The following RBFOX1 variants were observed in gnomAD, a reference collection of about 807,000 sequenced individuals.
RBFOX1 encodes the protein RNA binding fox-1 homolog 1.
In RBFOX1, 8 loss-of-function variants were observed where a neutral mutation model predicts 57.7. That is an observed-to-expected ratio of 0.14 (90% confidence interval 0.08 to 0.25). RBFOX1 has a LOEUF of 0.25. Among genes scored for constraint, RBFOX1 ranks in the 10% least tolerant of loss-of-function variants. RBFOX1 has a pLI of 1.00. For missense variants in RBFOX1, 611 were observed against 548.5 expected, an observed-to-expected ratio of 1.11 and a Z score of -1.14; for synonymous variants, 326 against 222.4, an observed-to-expected ratio of 1.47 and a Z score of -4.15.
chr16:5,768,663 C>T (rs1054812959), intron 3 of RBFOX1, among the ~76,000 whole-genome samples: 24 of 152,138 alleles, frequency 1.6e-4, no homozygotes, highest in Non-Finnish European at 3.1e-4. Flanking sequence ...TGCATCTATT[C>T]CACTCTGCCT....
chr16:7,453,903 T>C (rs1472169779), intron 4 of RBFOX1, among the ~76,000 whole-genome samples: 3 of 151,514 alleles, frequency 2.0e-5, no homozygotes, highest in African/African-American at 7.3e-5. Context: ...AAAGAAGGAG[T>C]GGAGGAAGTG....
intron 2 of RBFOX1, among the ~76,000 whole-genome samples, chr16:6,374,441 C>T (rs149271858): frequency 2.6e-5 from 4 of 152,274 alleles, no homozygotes; most frequent in Non-Finnish European, 5.9e-5. Context: ...ATTCTTCTCA[C>T]ACTGATATTG....
intron 3 of RBFOX1, among the ~76,000 whole-genome samples, chr16:6,741,763 T>G (rs2072221054): frequency 2.6e-5 from 4 of 152,220 alleles, no homozygotes; most frequent in African/African-American, 7.2e-5. Context: ...ACTTGCAAAT[T>G]TCATATCTAA....
intron 3 of RBFOX1, among the ~76,000 whole-genome samples, chr16:6,837,856 C>A (rs755876443): frequency 6.6e-6 from 1 of 152,100 alleles, no homozygotes; most frequent in East Asian, 1.9e-4. Flanking sequence ...TGAAGACTGG[C>A]GGAAACTGAG....
At chr16:7,188,828 C>G (rs539688831) in intron 4 of RBFOX1, among the ~76,000 whole-genome samples, 1 of 152,048 alleles carries the variant, frequency 6.6e-6, no homozygotes, top group Non-Finnish European at 1.5e-5. Context: ...ATTGAGTTGG[C>G]TGTTAAAAAT....
intron 4 of RBFOX1, among the ~76,000 whole-genome samples, chr16:7,342,616 T>G (rs2096919719): frequency 6.6e-6 from 1 of 152,290 alleles, no homozygotes; most frequent in East Asian, 1.9e-4. Flanking sequence ...CCATTCTTGG[T>G]GGAGATTCCT....
intron 4 of RBFOX1, among the ~76,000 whole-genome samples, chr16:5,916,933 GGACGAGCTAGTGGGT>G (rs2058716097): frequency 6.6e-6 from 1 of 152,122 alleles, no homozygotes; most frequent in Admixed American, 6.5e-5. Context: ...GCTGTGCGCA[GGACGAGCTAGTGGGT>G]GTCTCCCCTG....
intron 2 of RBFOX1, among the ~76,000 whole-genome samples, chr16:6,375,548 A>T (rs2091061524): frequency 6.6e-6 from 1 of 152,054 alleles, no homozygotes; most frequent in South Asian, 2.1e-4. Flanking sequence ...CTTTCGGCTC[A>T]TTTGAAAATA....
At chr16:6,612,863 A>AAAAAATAAT (rs59339311) in intron 2 of RBFOX1, among the ~76,000 whole-genome samples, 1,742 of 132,160 alleles carry the variant, frequency 0.013, 42 homozygotes, top group African/African-American at 0.042. Context: ...AAAAAAAAAA[A>AAAAAATAAT]AATAATAATA....
At chr16:6,963,264 A>G (rs534328234) in intron 3 of RBFOX1, among the ~76,000 whole-genome samples, 1 of 151,882 alleles carries the variant, frequency 6.6e-6, no homozygotes, top group Admixed American at 6.6e-5. Context: ...AAGCTAGCCC[A>G]TCTTAGGGTC....
At chr16:6,533,541 C>G (rs887570782) in intron 2 of RBFOX1, among the ~76,000 whole-genome samples, 1 of 152,104 alleles carries the variant, frequency 6.6e-6, no homozygotes, top group Non-Finnish European at 1.5e-5. Context: ...TTTTACCTAG[C>G]CCCTTAAGAC....
intron 3 of RBFOX1, among the ~76,000 whole-genome samples, chr16:5,641,695 C>T (rs56918492): frequency 0.012 from 1,794 of 152,198 alleles, 33 homozygotes; most frequent in African/African-American, 0.039. Context: ...GGCCTGGAGG[C>T]GGGGGCATGT....
At chr16:6,733,645 C>G (rs8051132) in intron 3 of RBFOX1, among the ~76,000 whole-genome samples, 137,795 of 152,132 alleles carry the variant, frequency 0.91, 64,038 homozygotes, top group East Asian at 1. Flanking sequence ...GTAGTCCCAG[C>G]TACTCAGGAG....
intron 5 of RBFOX1, among the ~76,000 whole-genome samples, chr16:7,561,944 T>C (rs1246174870): frequency 7.2e-5 from 11 of 152,044 alleles, no homozygotes; most frequent in African/African-American, 2.4e-4. Flanking sequence ...TTGTGTTAAA[T>C]TGATGTATAG....
At chr16:5,890,542 G>T (rs1481948916) in intron 4 of RBFOX1, among the ~76,000 whole-genome samples, 1 of 151,812 alleles carries the variant, frequency 6.6e-6, no homozygotes, top group Non-Finnish European at 1.5e-5. Context: ...ACTGAAAATA[G>T]AAAAATTAGC....
At chr16:5,526,048 A>G (rs2044231751) in intron 2 of RBFOX1, among the ~76,000 whole-genome samples, 1 of 151,854 alleles carries the variant, frequency 6.6e-6, no homozygotes, top group African/African-American at 2.4e-5. Flanking sequence ...CACAGGTGAA[A>G]CATGTCAACC....
intron 3 of RBFOX1, among the ~76,000 whole-genome samples, chr16:5,624,701 C>T (rs1331535692): frequency 6.6e-6 from 1 of 152,256 alleles, no homozygotes; most frequent in Non-Finnish European, 1.5e-5. Flanking sequence ...AATGCATATG[C>T]ATCAGGCTAG....
intron 14 of RBFOX1, among the ~76,000 whole-genome samples, chr16:7,692,212 G>C (rs960566230): frequency 6.6e-6 from 1 of 152,022 alleles, no homozygotes; most frequent in African/African-American, 2.4e-5. Flanking sequence ...TAGGAGAAAA[G>C]TACTAAAAAT....
intron 1 of RBFOX1, among the ~76,000 whole-genome samples, chr16:5,372,917 T>G (rs755658321): frequency 6.6e-6 from 1 of 152,246 alleles, no homozygotes; most frequent in South Asian, 2.1e-4. Context: ...CTTCTCTTGG[T>G]CTTCTGAAGA....
Sources: allele counts gnomAD v4.1 joint callset (sites outside exome capture counted in the v4.1 genomes callset), GRCh38; gene constraint gnomAD v4.1.1; transcripts MANE v1.5; gene names NCBI Gene and HGNC (gene_info 2026-07-23, HGNC 2026-07-21).